Variants in LRRN1 observed in about 807,000 individuals in gnomAD.
LRRN1 encodes the protein leucine rich repeat neuronal 1, also known as leucine-rich repeat neuronal protein 1.
In LRRN1, 14 loss-of-function variants were observed where a neutral mutation model predicts 45.8. The ratio of observed to expected loss-of-function variants is 0.31; its 90% CI spans 0.20 to 0.48. LRRN1 has a LOEUF of 0.48. LRRN1 is among the 20% of genes least tolerant of loss of function. The pLI, the probability that LRRN1 is intolerant of heterozygous loss-of-function variation, is 0.99. For synonymous variants in LRRN1, 359 were observed against 330.1 expected, an observed-to-expected ratio of 1.09 and a Z score of -0.95; for missense variants, 789 against 874.2, an observed-to-expected ratio of 0.90 and a Z score of 1.23.
chr3:3,830,501 G>A (rs1045345050), intron 1 of LRRN1, among the ~76,000 whole-genome samples: 1 of 152,216 alleles, frequency 6.6e-6, no homozygotes, highest in Non-Finnish European at 1.5e-5. Context: ...CTGTAGTGCT[G>A]CAGCTGTCCA....
intron 1 of LRRN1, among the ~76,000 whole-genome samples, chr3:3,828,960 G>A (rs1428620476): frequency 6.6e-6 from 1 of 151,138 alleles, no homozygotes; most frequent in African/African-American, 2.4e-5. Context: ...CCTTCAGCAA[G>A]CACCTCAGCA....
chr3:3,834,525 GATATAT>G lies in LRRN1; in HGVS notation c.-278-9816_-278-9811del, dbSNP rs71040093. Among the ~76,000 whole-genome samples, 172 of 27,324 alleles carry G rather than the reference GATATAT, an allele frequency of 6.3e-3. 14 individuals carry two copies. The Middle Eastern group carries it at 0.079, about 13-fold the overall frequency. 17.9% of individuals were successfully genotyped at this position (27,324 alleles called of 152,430 possible). ...GCGTTCTCTTAGAGGGACAGAACAG[GATATAT>G]ATATATATATATATATATATATGAT... On this transcript the variant is annotated intron_variant, in intron 1 of 1. Transcript: ENST00000319331.
chr3:3,845,753 A>G lies in LRRN1; in HGVS notation c.1112A>G (p.Asn371Ser), dbSNP rs1422177362. ...CTGCGTGAGATCAGTATCCATAGCA[A>G]TCCCCTCAGGTGTGACTGTGTGATC... ...PNLREISIHS[N>S]PLRCDCVIHW... The change falls in exon 2 of 2, where the codon AAT becomes AGT. Residue 371 changes from asparagine to serine, a missense_variant. Asn to Ser is a conservative substitution (Grantham distance 46). Transcript: ENST00000319331. The surrounding 1 kb of genome is among the most constrained non-coding windows in gnomAD (Gnocchi z 6.5). 1 of 1,614,108 alleles carries G rather than the reference A, an allele frequency of 6.2e-7. No homozygotes were observed. The highest frequency in any genetic ancestry group is 1.1e-5 in the South Asian group (1 of 91,078).
intron 1 of LRRN1, among the ~76,000 whole-genome samples, chr3:3,823,142 T>C (rs1163484758): frequency 6.6e-6 from 1 of 152,158 alleles, no homozygotes; most frequent in Non-Finnish European, 1.5e-5. Context: ...TCAAGAGCTA[T>C]AAATGCTCCC....
chr3:3,805,579 G>A (rs527840205), intron 1 of LRRN1, among the ~76,000 whole-genome samples: 3 of 152,294 alleles, frequency 2.0e-5, no homozygotes, highest in South Asian at 2.1e-4. Flanking sequence ...TCACCAGTGC[G>A]AATAATTTGA....
chr3:3,813,077 C>T (rs3796337), intron 1 of LRRN1, among the ~76,000 whole-genome samples: 10 of 152,060 alleles, frequency 6.6e-5, no homozygotes, highest in South Asian at 2.1e-4. Context: ...TGGTGATAGC[C>T]GAAACATTTC....
chr3:3,837,724 T>C (rs1211455373), intron 1 of LRRN1, among the ~76,000 whole-genome samples: 1 of 151,666 alleles, frequency 6.6e-6, no homozygotes, highest in African/African-American at 2.4e-5. Context: ...TTTTAATTAA[T>C]TTTAATTTTT....
intron 1 of LRRN1, among the ~76,000 whole-genome samples, chr3:3,823,291 T>G (rs556797629): frequency 6.6e-6 from 1 of 152,256 alleles, no homozygotes; most frequent in Admixed American, 6.5e-5. Flanking sequence ...ATTCCTTCCT[T>G]CATCACTTTC....
intron 1 of LRRN1, among the ~76,000 whole-genome samples, chr3:3,838,421 C>A (rs1229846297): frequency 3.9e-5 from 6 of 152,108 alleles, no homozygotes; most frequent in African/African-American, 1.4e-4. Flanking sequence ...CTTATCCATT[C>A]ATTTGTCAAT....
chr3:3,830,068 C>T (rs146149546), intron 1 of LRRN1, among the ~76,000 whole-genome samples: 34 of 152,286 alleles, frequency 2.2e-4, no homozygotes, highest in African/African-American at 7.5e-4. Flanking sequence ...ATATCCCTGC[C>T]ACCATGGCCA....
At chr3:3,821,249 A>G (rs1693099667) in intron 1 of LRRN1, among the ~76,000 whole-genome samples, 1 of 152,192 alleles carries the variant, frequency 6.6e-6, no homozygotes, top group South Asian at 2.1e-4. Flanking sequence ...CAATTGAAAT[A>G]AAATGTGAAA....
chr3:3,841,400 G>A (rs932435089), intron 1 of LRRN1, among the ~76,000 whole-genome samples: 2 of 152,102 alleles, frequency 1.3e-5, no homozygotes, highest in Admixed American at 6.6e-5. Flanking sequence ...TGTGGCAGAG[G>A]TTTTCTTAAC....
Position 3,816,083 on chromosome 3 carries a change from C to T in LRRN1, c.-279+16164C>T. Among the ~76,000 whole-genome samples the T allele has an allele frequency of 6.6e-6, 1 of 152,172 alleles. No individual in the cohort carries two copies. On this transcript the variant is annotated intron_variant, in intron 1 of 1. Coordinates refer to ENST00000319331, the MANE Select transcript of LRRN1 (RefSeq NM_020873.7). The surrounding 1 kb of genome is among the most constrained non-coding windows in gnomAD (Gnocchi z 4.0). Reference sequence around the variant, plus strand: ...TATGAAGGACAATATGGATATTCAACTAAAATTATTCTTTTTACTTTTAAT... The same window carrying T: ...TATGAAGGACAATATGGATATTCAATTAAAATTATTCTTTTTACTTTTAAT...
At chr3:3,822,494 T>C (rs1443877128) in intron 1 of LRRN1, among the ~76,000 whole-genome samples, 1 of 152,218 alleles carries the variant, frequency 6.6e-6, no homozygotes, top group African/African-American at 2.4e-5. Context: ...TGCCTATCTC[T>C]TGTTTTATTT....
At chr3:3,823,908 G>A (rs2106459760) in intron 1 of LRRN1, among the ~76,000 whole-genome samples, 1 of 152,258 alleles carries the variant, frequency 6.6e-6, no homozygotes, top group African/African-American at 2.4e-5. Flanking sequence ...CTCAATACCT[G>A]GAGCTGGAGC....
intron 1 of LRRN1, among the ~76,000 whole-genome samples, chr3:3,814,579 G>C (rs191702170): frequency 8.5e-5 from 13 of 152,224 alleles, no homozygotes; most frequent in African/African-American, 3.1e-4. Context: ...CAAGGTGATG[G>C]TATTAAGAAG....
At chr3:3,828,053 G>T (rs559397934) in intron 1 of LRRN1, among the ~76,000 whole-genome samples, 10 of 151,478 alleles carry the variant, frequency 6.6e-5, no homozygotes, top group Non-Finnish European at 1.5e-4. Context: ...GGTTCCAGAG[G>T]TTCAAAAATA....
chr3:3,806,160 A>T (rs1661573), intron 1 of LRRN1, among the ~76,000 whole-genome samples: 91,722 of 152,048 alleles, frequency 0.6, 29,888 homozygotes, highest in Non-Finnish European at 0.74. Context: ...TGCATAGCAC[A>T]GGAAGCCCCA....
In LRRN1 at chr3:3,822,583, G is replaced by A. The variant is rs537515282; in HGVS notation, c.-278-21781G>A. Among the ~76,000 whole-genome samples, 9 of 152,248 alleles carry A rather than the reference G, an allele frequency of 5.9e-5. No homozygotes were observed. In the South Asian group the frequency reaches 1.9e-3, roughly 32 times the overall value. On this transcript the variant is annotated intron_variant, in intron 1 of 1. Coordinates refer to ENST00000319331, the MANE Select transcript of LRRN1 (RefSeq NM_020873.7). ...AATTAAGAATAGGGAAATGCTTCAG[G>A]TGTCATTCAACCTATCTTGGTGTAG... is the stretch of plus-strand genomic sequence containing the variant.
Sources: gnomAD v4.1 joint callset for allele counts (sites outside exome capture counted in the v4.1 genomes callset) on GRCh38, gnomAD v4.1.1 for gene constraint, Gnocchi (gnomAD v3.1) non-coding constraint, MANE v1.5 for transcripts, NCBI Gene and HGNC (gene_info 2026-07-23, HGNC 2026-07-21) for gene names.